MOV10L1: variants seen among roughly 807,000 people sequenced by gnomAD.
MOV10L1 encodes Mov10 like RNA helicase 1, also known as RNA helicase Mov10l1.
A neutral mutation model predicts 143.8 loss-of-function variants in MOV10L1; 110 were observed. That is an observed-to-expected ratio of 0.76 (90% CI 0.66 to 0.90). MOV10L1 has a LOEUF of 0.90. Ranked by LOEUF, MOV10L1 falls within the 40% of genes least tolerant of loss-of-function variation. MOV10L1 has a pLI of 0.00. For synonymous variants in MOV10L1, 593 were observed against 581.1 expected, an observed-to-expected ratio of 1.02 and a Z score of -0.29; for missense variants, 1,406 against 1,526.8, an observed-to-expected ratio of 0.92 and a Z score of 1.32.
rs776201934 is a variant in MOV10L1 at position 50,160,960 on chromosome 22, A to G, written c.3463-4A>G. ...CACACCAGGCTAATTGTTATTGCCAACAGGACCCCTGTTTTGGTGCTTTGC... is the reference window on the plus strand; with the variant it reads ...CACACCAGGCTAATTGTTATTGCCAGCAGGACCCCTGTTTTGGTGCTTTGC... On this transcript the variant is annotated splice_region_variant and splice_polypyrimidine_tract_variant and intron_variant, in intron 25 of 26. Coordinates refer to ENST00000262794, the MANE Select transcript of MOV10L1 (RefSeq NM_018995.3). 3 of 1,614,164 alleles carry G rather than the reference A, an allele frequency of 1.9e-6. No homozygotes were observed. Among genetic ancestry groups the G allele is most frequent in the East Asian group, 2.2e-5 (1 of 44,886 alleles).
intron 2 of MOV10L1, chr22:50,094,058 T>C (rs891032528): frequency 6.6e-6 from 1 of 152,282 alleles, no homozygotes; most frequent in Non-Finnish European, 1.5e-5. Context: ...TTCCCTTCTT[T>C]GCTCTTATTA....
rs562507517 is a variant in MOV10L1, at chr22:50,152,322, C to G, written c.2893-723C>G. On this transcript the variant is annotated intron_variant, in intron 21 of 26. Coordinates refer to ENST00000262794, the MANE Select transcript of MOV10L1 (RefSeq NM_018995.3). This position sits in a 1 kb window ranked among gnomAD's most constrained non-coding sequence, Gnocchi z 4.4. ...TCCCCGCGGCACAGACGCAGCGAGT[C>G]CTCATGCCAATACATGGGTCACGTG... Among the ~76,000 whole-genome samples the G allele has an allele frequency of 6.6e-6, 1 of 152,286 alleles. No homozygotes were observed. The highest frequency in any genetic ancestry group is 6.5e-5 in the Admixed American group (1 of 15,308).
intron 11 of MOV10L1, 147 bp downstream of exon 11, chr22:50,125,716 T>A (rs9617086): frequency 0.23 from 171,222 of 739,002 alleles, 21,580 homozygotes; most frequent in Admixed American, 0.37. Flanking sequence ...CAGCAACCGA[T>A]GTACATCAAG....
intron 22 of MOV10L1, among the ~76,000 whole-genome samples, chr22:50,157,623 A>T (rs1401653249): frequency 6.6e-6 from 1 of 152,080 alleles, no homozygotes; most frequent in African/African-American, 2.4e-5. Context: ...CTGGCCGTAT[A>T]TTCGAGGGTT....
intron 6 of MOV10L1, 100 bp downstream of exon 6, chr22:50,113,888 T>A: frequency 8.8e-7 from 1 of 1,137,128 alleles, no homozygotes; most frequent in Non-Finnish European, 1.2e-6. Flanking sequence ...TGGTCATTTA[T>A]TTTTTTCTTT....
intron 1 of MOV10L1, chr22:50,090,545 C>A (rs149871903): frequency 6.3e-7 from 1 of 1,598,310 alleles, no homozygotes; most frequent in East Asian, 2.3e-5. Flanking sequence ...AACGCGGCCC[C>A]GCAGACTTGG....
At chr22:50,114,345 T>A in intron 6 of MOV10L1, 36 bp from the exon 7 acceptor site, 1 of 1,602,918 alleles carries the variant, frequency 6.2e-7, no homozygotes, top group Non-Finnish European at 8.5e-7. Flanking sequence ...GTTTTAGAAA[T>A]CCTGGCTGTG....
intron 2 of MOV10L1, chr22:50,094,933 G>A (rs1340220249): frequency 6.6e-6 from 1 of 152,158 alleles, no homozygotes; most frequent in African/African-American, 2.4e-5. Context: ...AAAACTAAAT[G>A]CAACTTACAG....
At chr22:50,093,959 T>C (rs1052997200) in intron 2 of MOV10L1, 1 of 152,268 alleles carries the variant, frequency 6.6e-6, no homozygotes, top group African/African-American at 2.4e-5. Flanking sequence ...TCCTTAATCA[T>C]GTATCAGAAT....
chr22:50,100,582 C>T (rs773247095), intron 3 of MOV10L1, among the ~76,000 whole-genome samples: 1 of 151,970 alleles, frequency 6.6e-6, no homozygotes, highest in Non-Finnish European at 1.5e-5. Context: ...GGCACGATCT[C>T]AGCTTACTGC....
At chr22:50,156,633 C>T (rs892442737) in intron 22 of MOV10L1, among the ~76,000 whole-genome samples, 7 of 152,298 alleles carry the variant, frequency 4.6e-5, no homozygotes, top group Non-Finnish European at 7.3e-5. Context: ...GTTTGTCCTT[C>T]TGTGACCGGC....
chr22:50,090,166 G>A lies in MOV10L1; in HGVS notation c.78G>A (p.Leu26=). The change falls in exon 1 of 27, where the codon CTG becomes CTA. Residue 26 remains leucine (L), a synonymous_variant. Coordinates refer to ENST00000262794, the MANE Select transcript of MOV10L1 (RefSeq NM_018995.3). ...CCCCTAGGGAGGAAGCCGGGCAGCT[G>A]GAGCCCGAGCTCGCGGAAGGTGGCT... ...ADTPREEAGQ[L]EPELAEGDTK... is the part of the protein sequence containing the mutation. 7.0e-7 allele frequency: 1 copy of A among 1,422,034 alleles called. No homozygotes were observed. Among genetic ancestry groups the A allele is most frequent in the South Asian group, 1.6e-5 (1 of 63,516 alleles). 88.1% of individuals were successfully genotyped at this position (1,422,034 alleles called of 1,614,324 possible). A position where few individuals can be genotyped will look rare whatever the true frequency, so the allele number is the denominator to read the frequency against.
intron 15 of MOV10L1, among the ~76,000 whole-genome samples, chr22:50,139,051 G>T (rs891570959): frequency 1.3e-5 from 2 of 151,708 alleles, no homozygotes; most frequent in Non-Finnish European, 2.9e-5. Flanking sequence ...AAACATTAGG[G>T]ATACATCTGA....
rs759729440 is a variant in MOV10L1, at chr22:50,108,150, A to C, written c.457A>C (p.Lys153Gln). 11 of 1,613,922 alleles carry C rather than the reference A, an allele frequency of 6.8e-6. No individual in the cohort carries two copies. Residue 153 changes from lysine to glutamine, a missense_variant, in exon 4 of 27, where the codon AAG becomes CAG. By Grantham distance (53) the Lys-to-Gln change is moderately conservative. Around this residue, in one of 3 missense-constraint regions of MOV10L1, gnomAD observed 1,233 missense variants for 1,351.4 expected, o/e 0.91. Transcript: ENST00000262794. Reference protein sequence around the residue: ...ESVCEGFEPCKGDWVEAEYRI... With the variant: ...ESVCEGFEPCQGDWVEAEYRI... ...GGCGGTTTTAGGCTTCGAGCCCTGC[A>C]AGGGAGACTGGGTGGAGGCTGAGTA...
At chr22:50,111,635 C>G (rs765421753) in intron 5 of MOV10L1, among the ~76,000 whole-genome samples, 1 of 151,880 alleles carries the variant, frequency 6.6e-6, no homozygotes, top group Admixed American at 6.6e-5. Context: ...TCCTGAGTAG[C>G]TGGGACTATA....
At position 50,117,437 on chromosome 22, in the gene MOV10L1, A is replaced by G. The variant is rs915311053; in HGVS notation, c.1454+86A>G. Reference sequence around the variant, plus strand: ...GGACGTGCACTGGCAAGCGGTGGCTACCACCTGGCTGGGGAGGTATAAAGG... The same window carrying G: ...GGACGTGCACTGGCAAGCGGTGGCTGCCACCTGGCTGGGGAGGTATAAAGG... On this transcript the variant is annotated intron_variant, in intron 9 of 26. Coordinates refer to ENST00000262794, the MANE Select transcript of MOV10L1 (RefSeq NM_018995.3). The G allele has an allele frequency of 3.5e-6, 5 of 1,419,448 alleles. No homozygotes were observed. In the African/African-American group the frequency reaches 4.3e-5, roughly 12 times the overall value. 87.9% of individuals were successfully genotyped at this position (1,419,448 alleles called of 1,614,324 possible). A position where few individuals can be genotyped will look rare whatever the true frequency, so the allele number is the denominator to read the frequency against.
chr22:50,112,213 C>G lies in MOV10L1; in HGVS notation c.744-1435C>G, dbSNP rs545369903. Among the ~76,000 whole-genome samples, 23 of 152,360 alleles carry G rather than the reference C, an allele frequency of 1.5e-4. No individual in the cohort carries two copies. The East Asian group carries it at 2.5e-3, about 17-fold the overall frequency. ...TTTGGGAGGGTGCCTAGGGCCCATC[C>G]TGTGGGGCGTGGATGTGACGTGCAC... On this transcript the variant is annotated intron_variant, in intron 5 of 26. Transcript: ENST00000262794.
intron 24 of MOV10L1, among the ~76,000 whole-genome samples, chr22:50,160,176 T>C (rs1225556174): frequency 1.3e-5 from 2 of 151,660 alleles, no homozygotes; most frequent in Admixed American, 6.6e-5. Context: ...GGAGTGCCGA[T>C]GAGACCCACC....
rs781624695 is a variant in MOV10L1, at chr22:50,120,590, C to T, written c.1543C>T (p.Leu515=). 2 of 1,612,696 alleles carry T rather than the reference C, an allele frequency of 1.2e-6. No individual in the cohort carries two copies. Among genetic ancestry groups the T allele is most frequent in the Non-Finnish European group, 8.5e-7 (1 of 1,178,860 alleles). Residue 515 remains leucine (L), a synonymous_variant, in exon 10 of 27, where the codon CTG becomes TTG. Transcript: ENST00000262794. ...RKCVEQKIDI[L]TFQPLLAELL... ...ATGTGTGGAACAAAAAATTGACATC[C>T]TGACTTTCCAGCCATTACTTGCAGA...
Sources: allele counts gnomAD v4.1 joint callset (sites outside exome capture counted in the v4.1 genomes callset), GRCh38; gene constraint gnomAD v4.1.1; regional missense constraint gnomAD v4.1.1; non-coding constraint Gnocchi (gnomAD v3.1); transcripts MANE v1.5; gene names NCBI Gene and HGNC (gene_info 2026-07-23, HGNC 2026-07-21).